MTMR9: variants seen among roughly 807,000 people sequenced by gnomAD.
MTMR9 encodes the protein myotubularin related protein 9, also known as myotubularin-related protein 9.
Under a neutral mutation model 69.5 loss-of-function variants are expected in MTMR9, and 39 were observed. That is an observed-to-expected ratio of 0.56 (90% CI 0.43 to 0.73). MTMR9 has a LOEUF of 0.73. Among genes scored for constraint, MTMR9 ranks in the 30% least tolerant of loss-of-function variants. The pLI is 0.00. For synonymous variants in MTMR9, 354 were observed against 240.8 expected (o/e 1.47, Z -4.35); for missense variants, 900 against 671.2 (o/e 1.34, Z -3.77).
At chr8:11,288,026 T>C (rs1362722664) in intron 1 of MTMR9, among the ~76,000 whole-genome samples, 2 of 124,088 alleles carry the variant, frequency 1.6e-5, no homozygotes, top group African/African-American at 3.1e-5. Flanking sequence ...ATACGTATGA[T>C]ATATAATATA....
At chr8:11,304,732 A>G (rs890648906) in intron 3 of MTMR9, 109 bp from the exon 4 acceptor site, 1 of 1,079,594 alleles carries the variant, frequency 9.3e-7, no homozygotes, top group African/African-American at 1.6e-5. Flanking sequence ...TTCCTGAGAA[A>G]TGGCTTCTTC....
At chr8:11,287,239 C>G (rs888281983) in intron 1 of MTMR9, among the ~76,000 whole-genome samples, 1 of 152,196 alleles carries the variant, frequency 6.6e-6, no homozygotes, top group Admixed American at 6.5e-5. Context: ...GGTCAGATGC[C>G]GTTGAATACA....
At chr8:11,303,981 C>T (rs909300876) in intron 3 of MTMR9, among the ~76,000 whole-genome samples, 6 of 152,066 alleles carry the variant, frequency 3.9e-5, no homozygotes, top group Admixed American at 1.3e-4. Context: ...TTAGCTTTAT[C>T]TTCCTGCTAT....
In MTMR9 at chr8:11,284,823, C is replaced by T. The variant is rs572618723; in HGVS notation, c.-66C>T. ...CCCGCGCCGGGTGTTTCCGCTACTTCCCTGCGGCGGGGTAACCGCCTCGCA... is the reference window on the plus strand; with the variant it reads ...CCCGCGCCGGGTGTTTCCGCTACTTTCCTGCGGCGGGGTAACCGCCTCGCA... On this transcript the variant is annotated 5_prime_UTR_variant, in exon 1 of 10. Transcript: ENST00000221086. The T allele has an allele frequency of 2.5e-4, 361 of 1,449,336 alleles. No individual in the cohort carries two copies. The highest frequency in any genetic ancestry group is 4.9e-4 in the Admixed American group (23 of 47,008). 89.8% of individuals were successfully genotyped at this position (1,449,336 alleles called of 1,614,324 possible).
In MTMR9 at chr8:11,324,341, A is replaced by G. The variant is rs1436189039; in HGVS notation, c.*1553A>G. 1 of 152,144 alleles carries G rather than the reference A, an allele frequency of 6.6e-6. No homozygotes were observed. The highest frequency in any genetic ancestry group is 1.5e-5 in the Non-Finnish European group (1 of 68,030). The allele number at this position is 152,144 out of a possible 1,614,324, so 9.4% of individuals were successfully genotyped here. On this transcript the variant is annotated 3_prime_UTR_variant, in exon 10 of 10. Transcript: ENST00000221086. ...AAGGCTACACAGCAGCCCACAGTCC[A>G]CAGTCTTTTTGGGAAAATTGGCCTG...
intron 7 of MTMR9, among the ~76,000 whole-genome samples, chr8:11,315,330 T>C (rs1414352641): frequency 1.3e-5 from 2 of 152,152 alleles, no homozygotes; most frequent in Non-Finnish European, 2.9e-5. Flanking sequence ...ATGGGAAGCA[T>C]AGTGCAATCT....
At chr8:11,315,431 T>C (rs1227787000) in intron 7 of MTMR9, among the ~76,000 whole-genome samples, 1 of 152,136 alleles carries the variant, frequency 6.6e-6, no homozygotes, top group East Asian at 1.9e-4. Flanking sequence ...CTTTAACCCT[T>C]TCAAAGCCTT....
At chr8:11,285,244 C>T (rs1799105857) in intron 1 of MTMR9, 174 bp downstream of exon 1, 5 of 600,438 alleles carry the variant, frequency 8.3e-6, no homozygotes, top group South Asian at 6.7e-5. Context: ...GATGGAGGAC[C>T]CGGTTTCCAT....
intron 2 of MTMR9, chr8:11,297,950 T>C (rs1176686821): frequency 2.2e-6 from 1 of 456,248 alleles, no homozygotes; most frequent in African/African-American, 2.0e-5. Flanking sequence ...TGGACACGAT[T>C]TGTGAGTAGT....
At chr8:11,300,618 T>G (rs1799716754) in intron 3 of MTMR9, 1 of 150,456 alleles carries the variant, frequency 6.6e-6, no homozygotes, top group Non-Finnish European at 1.5e-5. Flanking sequence ...AAAGAAAAAA[T>G]AATAAAAATA....
intron 6 of MTMR9, among the ~76,000 whole-genome samples, chr8:11,309,967 A>G (rs1266802569): frequency 6.6e-6 from 1 of 152,156 alleles, no homozygotes; most frequent in African/African-American, 2.4e-5. Context: ...ACACCCTTAA[A>G]TCATGAATTT....
intron 6 of MTMR9, among the ~76,000 whole-genome samples, chr8:11,312,089 G>C (rs945669497): frequency 6.6e-6 from 1 of 151,902 alleles, no homozygotes; most frequent in Non-Finnish European, 1.5e-5. Context: ...CTGTCACCCA[G>C]GCTGGAGTGT....
chr8:11,331,417 C>T (rs371834397), downstream of MTMR9: 6 of 1,613,846 alleles, frequency 3.7e-6, no homozygotes, highest in African/African-American at 6.7e-5. Flanking sequence ...CGAGGCTGGG[C>T]CTGCTTCTGT....
Position 11,316,717 on chromosome 8 carries a change from T to C in MTMR9, c.1158T>C (p.Cys386=). The C allele has an allele frequency of 1.2e-6, 2 of 1,613,426 alleles. No individual in the cohort carries two copies. The highest frequency in any genetic ancestry group is 8.5e-7 in the Non-Finnish European group (1 of 1,179,724). Residue 386 remains cysteine, a synonymous_variant, in exon 8 of 10, where the codon TGT becomes TGC. Transcript: ENST00000221086. ...AGCGCTGTGCACAGTCAGCCTACTG[T>C]AACACCAAGCAGAAGTGGGAGGCTC... ...FQQRCAQSAY[C]NTKQKWEAPV...
chr8:11,286,828 C>T (rs770421381), intron 1 of MTMR9, among the ~76,000 whole-genome samples: 2 of 152,050 alleles, frequency 1.3e-5, no homozygotes, highest in African/African-American at 2.4e-5. Context: ...CTTTCATGAA[C>T]GCTTTTTACC....
chr8:11,316,452 C>T (rs777535494), intron 7 of MTMR9: 12 of 383,534 alleles, frequency 3.1e-5, no homozygotes, highest in East Asian at 2.5e-4. Context: ...ACACCTTAGC[C>T]GCGCAGCCTC....
chr8:11,289,597 CCCTA>C (rs1308345714), intron 1 of MTMR9, among the ~76,000 whole-genome samples: 1 of 152,022 alleles, frequency 6.6e-6, no homozygotes, highest in Non-Finnish European at 1.5e-5. Context: ...TTTTCTTCCT[CCCTA>C]ATTTTCACTC....
intron 2 of MTMR9, among the ~76,000 whole-genome samples, chr8:11,299,802 T>C (rs1483743706): frequency 2.8e-5 from 4 of 143,668 alleles, no homozygotes; most frequent in African/African-American, 1.0e-4. Context: ...TCAACACTTT[T>C]GAGTGTGTGT....
At chr8:11,332,993 G>C (rs35985979), downstream of MTMR9, among the ~76,000 whole-genome samples, 369 of 152,238 alleles carry the variant, frequency 2.4e-3, no homozygotes, top group Non-Finnish European at 3.9e-3. Context: ...TAAAGAAAAA[G>C]AATAAAAATA....
Sources: allele counts gnomAD v4.1 joint callset (sites outside exome capture counted in the v4.1 genomes callset), GRCh38; gene constraint gnomAD v4.1.1; transcripts MANE v1.5; gene names NCBI Gene and HGNC (gene_info 2026-07-23, HGNC 2026-07-21).